The following CREM variants were observed in gnomAD, a reference collection of about 807,000 sequenced individuals.
CREM encodes cAMP responsive element modulator.
CREM carries 13 observed loss-of-function variants against 37.3 expected under a neutral mutation model. That is an observed-to-expected ratio of 0.35 (90% confidence interval 0.23 to 0.55). CREM has a LOEUF of 0.55. Among genes scored for constraint, CREM ranks in the 20% least tolerant of loss-of-function variants. The pLI, the probability that CREM is intolerant of heterozygous loss-of-function variation, is 0.88. For missense variants in CREM, 296 were observed against 362.3 expected (o/e 0.82, Z 1.49); for synonymous variants, 124 against 120.2 (o/e 1.03, Z -0.21).
intron 5 of CREM, among the ~76,000 whole-genome samples, chr10:35,187,240 A>C (rs2094685560): frequency 9.0e-6 from 1 of 110,700 alleles, no homozygotes; most frequent in African/African-American, 3.5e-5. Context: ...ATATATAATT[A>C]TATATAACAT....
chr10:35,180,095 A>G lies in CREM; in HGVS notation c.409+819A>G, dbSNP rs1398531878. 1.3e-5 allele frequency among the ~76,000 whole-genome samples: 2 copies of G among 152,190 alleles called. 1 individual carries two copies. The highest frequency in any genetic ancestry group is 4.8e-5 in the African/African-American group (2 of 41,460). ...AGTTGTCTAAATCAATTTCCCATGT[A>G]ATTATAATATGAAGTAAAGTGAGTT... On this transcript the variant is annotated intron_variant, in intron 5 of 7. Coordinates refer to ENST00000685392, the MANE Select transcript of CREM (RefSeq NM_183011.2).
intron 2 of CREM, among the ~76,000 whole-genome samples, chr10:35,142,866 C>T (rs908319299): frequency 6.6e-6 from 1 of 152,174 alleles, no homozygotes; most frequent in Admixed American, 6.5e-5. Context: ...CCTTGGCCCC[C>T]CAGAGTGTTG....
At chr10:35,143,704 C>T (rs937965837) in intron 2 of CREM, among the ~76,000 whole-genome samples, 1 of 152,028 alleles carries the variant, frequency 6.6e-6, no homozygotes, top group Non-Finnish European at 1.5e-5. Context: ...TGGATGGGTT[C>T]AGGATGGTAC....
At chr10:35,196,291 G>A (rs2095164974) in intron 6 of CREM, 2 of 540,758 alleles carry the variant, frequency 3.7e-6, no homozygotes, top group Non-Finnish European at 3.3e-6. Context: ...CCAGCCTCTG[G>A]TATTTAAATT....
At chr10:35,165,053 T>TC (rs1564851884) in intron 3 of CREM, among the ~76,000 whole-genome samples, 2 of 56,168 alleles carry the variant, frequency 3.6e-5, no homozygotes, top group Admixed American at 1.7e-4. Flanking sequence ...CGAGGCTCCA[T>TC]CTCAAAAAAA....
chr10:35,208,665 C>T (rs1201216560), intron 7 of CREM, among the ~76,000 whole-genome samples: 1 of 152,178 alleles, frequency 6.6e-6, no homozygotes, highest in African/African-American at 2.4e-5. Flanking sequence ...GCTACTGAAC[C>T]TCTAGGCATT....
chr10:35,155,524 A>C (rs2092840572), intron 3 of CREM, among the ~76,000 whole-genome samples: 1 of 149,850 alleles, frequency 6.7e-6, no homozygotes, highest in Non-Finnish European at 1.5e-5. Flanking sequence ...AAAGATAATG[A>C]ATAACAAAAA....
intron 3 of CREM, among the ~76,000 whole-genome samples, chr10:35,168,566 G>A (rs547857600): frequency 5.3e-5 from 8 of 152,188 alleles, no homozygotes; most frequent in East Asian, 1.9e-4. Flanking sequence ...CACTTTGATC[G>A]TAGTTTCTTT....
intron 3 of CREM, among the ~76,000 whole-genome samples, chr10:35,178,035 T>C (rs1455598053): frequency 6.6e-6 from 1 of 152,192 alleles, no homozygotes; most frequent in Admixed American, 6.5e-5. Flanking sequence ...GCTTGCATTG[T>C]TGATATTTTA....
At chr10:35,160,793 T>A (rs1020484140) in intron 3 of CREM, among the ~76,000 whole-genome samples, 8 of 152,274 alleles carry the variant, frequency 5.3e-5, no homozygotes, top group Non-Finnish European at 8.8e-5. Context: ...TGAAATTTTT[T>A]ATTTTTTTTA....
At chr10:35,203,171 A>G (rs2095428144) in intron 6 of CREM, among the ~76,000 whole-genome samples, 1 of 151,574 alleles carries the variant, frequency 6.6e-6, no homozygotes. Context: ...CTTCCCACCT[A>G]AGGCTCTGGA....
intron 1 of CREM, among the ~76,000 whole-genome samples, chr10:35,134,589 A>G (rs1464993004): frequency 2.0e-5 from 3 of 152,142 alleles, no homozygotes; most frequent in Non-Finnish European, 2.9e-5. Flanking sequence ...CTTATATTAT[A>G]TGAGCATTTT....
intron 4 of CREM, 34 bp from the exon 5 acceptor site, chr10:35,179,100 T>A: frequency 6.3e-7 from 1 of 1,578,678 alleles, no homozygotes; most frequent in Non-Finnish European, 8.7e-7. Context: ...TATTCATGTA[T>A]CTTAGTGACT....
At chr10:35,208,416 ATAT>A (rs2095587057) in intron 7 of CREM, among the ~76,000 whole-genome samples, 1 of 152,206 alleles carries the variant, frequency 6.6e-6, no homozygotes. Flanking sequence ...TTTAACTTGT[ATAT>A]TATTTATTGG....
At chr10:35,171,998 AGTG>A (rs1236229518) in intron 3 of CREM, among the ~76,000 whole-genome samples, 1 of 152,130 alleles carries the variant, frequency 6.6e-6, no homozygotes, top group Non-Finnish European at 1.5e-5. Context: ...GGGTGGGAGA[AGTG>A]GTGGTGGAGT....
chr10:35,193,928 C>A (rs984369006), intron 6 of CREM, among the ~76,000 whole-genome samples: 3 of 151,230 alleles, frequency 2.0e-5, no homozygotes, highest in Non-Finnish European at 4.4e-5. Flanking sequence ...GGTGAAACCC[C>A]GTCTCTACTA....
chr10:35,179,798 T>G (rs1564897021), intron 5 of CREM: 1 of 152,474 alleles, frequency 6.6e-6, no homozygotes, highest in Non-Finnish European at 1.5e-5. Flanking sequence ...TAATTTTATT[T>G]GAAATTTTAC....
At chr10:35,151,990 G>C (rs997197576) in intron 3 of CREM, among the ~76,000 whole-genome samples, 3 of 152,128 alleles carry the variant, frequency 2.0e-5, no homozygotes, top group African/African-American at 7.2e-5. Flanking sequence ...TTAACCCTAT[G>C]ATGTATGCCA....
chr10:35,208,170 T>G (rs1193160279), intron 7 of CREM, among the ~76,000 whole-genome samples: 1 of 152,138 alleles, frequency 6.6e-6, no homozygotes, highest in African/African-American at 2.4e-5. Flanking sequence ...CTGAAATACA[T>G]ATTTAATCTG....
Sources: gnomAD v4.1 joint callset for allele counts (sites outside exome capture counted in the v4.1 genomes callset) on GRCh38, gnomAD v4.1.1 for gene constraint, MANE v1.5 for transcripts, NCBI Gene and HGNC (gene_info 2026-07-23, HGNC 2026-07-21) for gene names.